RIMS1: variants seen among roughly 807,000 people sequenced by gnomAD.
RIMS1 encodes regulating synaptic membrane exocytosis 1, also known as regulating synaptic membrane exocytosis protein 1.
In RIMS1, 83 loss-of-function variants were observed where a neutral mutation model predicts 214.1. That is an observed-to-expected ratio of 0.39 (90% CI 0.32 to 0.47). The LOEUF (loss-of-function observed/expected upper bound fraction) is 0.47. Among genes scored for constraint, RIMS1 ranks in the 20% least tolerant of loss-of-function variants. The pLI is 0.99. For synonymous variants in RIMS1, 793 were observed against 786.8 expected, an observed-to-expected ratio of 1.01 and a Z score of -0.13; for missense variants, 2,050 against 2,161.8, an observed-to-expected ratio of 0.95 and a Z score of 1.03.
chr6:72,364,939 AC>A (rs113212432), intron 29 of RIMS1, among the ~76,000 whole-genome samples: 6 of 152,218 alleles, frequency 3.9e-5, no homozygotes, highest in African/African-American at 1.4e-4. Context: ...ATTGGAAGGA[AC>A]CCTCAGCAGA....
intron 2 of RIMS1, among the ~76,000 whole-genome samples, chr6:72,063,552 G>A (rs758823140): frequency 4.6e-5 from 7 of 152,146 alleles, no homozygotes; most frequent in Non-Finnish European, 1.0e-4. Context: ...TCCACTAGTG[G>A]GAGACCGACC....
At chr6:71,932,091 CAG>C (rs576575941) in intron 1 of RIMS1, among the ~76,000 whole-genome samples, 56 of 152,138 alleles carry the variant, frequency 3.7e-4, no homozygotes, top group African/African-American at 1.3e-3. Flanking sequence ...GACCTAAAGA[CAG>C]AAATACCATT....
At chr6:72,355,488 T>TGATTG (rs112477649) in intron 29 of RIMS1, among the ~76,000 whole-genome samples, 1,946 of 152,262 alleles carry the variant, frequency 0.013, 24 homozygotes, top group African/African-American at 0.031. Flanking sequence ...TATTGTTCCT[T>TGATTG]GATTGTTCCT....
At chr6:72,369,573 C>G (rs896100274) in intron 29 of RIMS1, among the ~76,000 whole-genome samples, 1 of 152,178 alleles carries the variant, frequency 6.6e-6, no homozygotes, top group African/African-American at 2.4e-5. Context: ...GTCAGGGAAG[C>G]CTGGACTCTG....
chr6:72,356,320 T>A (rs554674719), intron 29 of RIMS1, among the ~76,000 whole-genome samples: 113 of 149,436 alleles, frequency 7.6e-4, no homozygotes, highest in African/African-American at 2.7e-3. Context: ...AAAAAAAAAA[T>A]GATGTTCTGT....
chr6:72,036,809 A>G (rs1470712432), intron 2 of RIMS1, among the ~76,000 whole-genome samples: 1 of 152,198 alleles, frequency 6.6e-6, no homozygotes, highest in African/African-American at 2.4e-5. Flanking sequence ...CAGAGCTGTT[A>G]AAGTTGTCAC....
rs920561995 is a variant in RIMS1, at chr6:71,903,940, A to T, written c.164+16753A>T. Among the ~76,000 whole-genome samples the T allele has an allele frequency of 1.7e-4, 26 of 152,188 alleles. 1 individual carries two copies. Among genetic ancestry groups the T allele is most frequent in the Admixed American group, 1.6e-3 (25 of 15,262 alleles). ...TGCATGTACATATACACAAATTCAT[A>T]TGCAGTCTTCATAAATTGGCATTCT... is the stretch of plus-strand genomic sequence containing the variant. On this transcript the variant is annotated intron_variant, in intron 1 of 33. Transcript: ENST00000521978.
chr6:72,093,228 A>ATATATATATATAT lies in RIMS1; in HGVS notation c.246-3721_246-3720insTATATATATATAT, dbSNP rs200655727. 9.7e-4 allele frequency among the ~76,000 whole-genome samples: 133 copies of ATATATATATATAT among 137,040 alleles called. 4 individuals are homozygous for ATATATATATATAT. The highest frequency in any genetic ancestry group is 7.7e-3 in the East Asian group (36 of 4,664). The allele number at this position is 137,040 out of a possible 152,430, so 89.9% of individuals were successfully genotyped here. Reference sequence around the variant, plus strand: ...TATGTGAGTATATATATATATATATAAAAACATGTGTGTATATATGTATAT... The same window carrying ATATATATATATAT: ...TATGTGAGTATATATATATATATATATATATATATATATAAAACATGTGTGTATATATGTATAT... On this transcript the variant is annotated intron_variant, in intron 2 of 33. Coordinates refer to ENST00000521978, the MANE Select transcript of RIMS1 (RefSeq NM_014989.7).
At chr6:72,294,675 ACT>A (rs1269075726) in intron 26 of RIMS1, among the ~76,000 whole-genome samples, 1 of 151,648 alleles carries the variant, frequency 6.6e-6, no homozygotes, top group African/African-American at 2.4e-5. Flanking sequence ...CAAATATACC[ACT>A]CTCTATTTAT....
intron 23 of RIMS1, among the ~76,000 whole-genome samples, chr6:72,275,165 T>TC (rs2085676773): frequency 2.3e-5 from 1 of 43,820 alleles, no homozygotes; most frequent in Non-Finnish European, 4.6e-5. Flanking sequence ...TATATATATA[T>TC]ATATATATAT....
chr6:72,185,302 GAA>G (rs35031218), intron 6 of RIMS1, among the ~76,000 whole-genome samples: 1 of 151,716 alleles, frequency 6.6e-6, no homozygotes, highest in Admixed American at 6.6e-5. Flanking sequence ...CGTTGTTATA[GAA>G]AAAAAACATG....
intron 28 of RIMS1, among the ~76,000 whole-genome samples, chr6:72,328,126 A>G (rs765520800): frequency 2.6e-5 from 4 of 151,974 alleles, no homozygotes; most frequent in Non-Finnish European, 5.9e-5. Context: ...CTATGCAGCC[A>G]TAAAAGGGTG....
At chr6:71,887,510 C>G (rs1768128371) in intron 1 of RIMS1, among the ~76,000 whole-genome samples, 1 of 152,008 alleles carries the variant, frequency 6.6e-6, no homozygotes, top group African/African-American at 2.4e-5. Flanking sequence ...GCTGATCCCA[C>G]CCAAGTGGAA....
chr6:72,150,702 C>T (rs1315776667), intron 4 of RIMS1, among the ~76,000 whole-genome samples: 2 of 152,126 alleles, frequency 1.3e-5, no homozygotes, highest in Admixed American at 6.5e-5. Context: ...ATAGTAATTG[C>T]CTGTTCATTT....
At chr6:72,057,446 TA>T (rs1200029495) in intron 2 of RIMS1, among the ~76,000 whole-genome samples, 1 of 152,010 alleles carries the variant, frequency 6.6e-6, no homozygotes, top group Non-Finnish European at 1.5e-5. Context: ...CTCTACTAGT[TA>T]AAGGTTCTGT....
rs1419407629 is a variant in RIMS1, at chr6:72,297,300, A to T, written c.3850+5254A>T. Among the ~76,000 whole-genome samples the T allele has an allele frequency of 3.9e-5, 6 of 152,104 alleles. No homozygotes were observed. In the South Asian group the frequency reaches 1.2e-3, roughly 31 times the overall value. ...AGTACAAGAATGACCAATGTACTTTACTTAGGTCAGAAGAATGTAGTTGGA... is the reference window on the plus strand; with the variant it reads ...AGTACAAGAATGACCAATGTACTTTTCTTAGGTCAGAAGAATGTAGTTGGA... On this transcript the variant is annotated intron_variant, in intron 26 of 33. Coordinates refer to ENST00000521978, the MANE Select transcript of RIMS1 (RefSeq NM_014989.7).
chr6:72,346,104 A>G (rs926713616), intron 29 of RIMS1, among the ~76,000 whole-genome samples: 3 of 151,794 alleles, frequency 2.0e-5, no homozygotes, highest in African/African-American at 7.2e-5. Context: ...ATGGAACCAT[A>G]AATGGTACCT....
At chr6:71,968,937 C>G in intron 1 of RIMS1, 46 bp from the exon 2 acceptor site, 2 of 1,536,190 alleles carry the variant, frequency 1.3e-6, no homozygotes, top group Middle Eastern at 3.4e-4. Context: ...GTGTTCTACC[C>G]TTTTTATAAT....
intron 2 of RIMS1, among the ~76,000 whole-genome samples, chr6:72,073,434 T>A (rs963068978): frequency 6.6e-6 from 1 of 152,194 alleles, no homozygotes; most frequent in Non-Finnish European, 1.5e-5. Flanking sequence ...GCAACATGAA[T>A]TTTCCACTGA....
Sources: gnomAD v4.1 joint callset for allele counts (sites outside exome capture counted in the v4.1 genomes callset) on GRCh38, gnomAD v4.1.1 for gene constraint, MANE v1.5 for transcripts, NCBI Gene and HGNC (gene_info 2026-07-23, HGNC 2026-07-21) for gene names.